HEMK2: variants seen among roughly 807,000 people sequenced by gnomAD.
HEMK2 encodes HemK methyltransferase 2, ETF1 glutamine and histone H4 lysine.
chr21:28,644,863 C>T, the HEMK2 span, among the ~76,000 whole-genome samples: 1 of 152,190 alleles, frequency 6.6e-6, no homozygotes, highest in Non-Finnish European at 1.5e-5. Flanking sequence ...CCTCACTCCA[C>T]ATTTTTGTTA....
At chr21:28,656,543 A>C in the HEMK2 span, among the ~76,000 whole-genome samples, 3 of 152,008 alleles carry the variant, frequency 2.0e-5, no homozygotes, top group African/African-American at 7.2e-5. Context: ...CAACCAACCT[A>C]GCACAGTCCA....
the HEMK2 span, among the ~76,000 whole-genome samples, chr21:28,846,934 A>T: frequency 1.3e-5 from 2 of 151,718 alleles, no homozygotes; most frequent in Non-Finnish European, 1.5e-5. Flanking sequence ...ATGGCCTCCA[A>T]CTCCATGCAT....
chr21:28,694,124 C>T, the HEMK2 span, among the ~76,000 whole-genome samples: 1 of 152,158 alleles, frequency 6.6e-6, no homozygotes, highest in Non-Finnish European at 1.5e-5. Context: ...TAATTATTGG[C>T]CTGGCCTACA....
the HEMK2 span, among the ~76,000 whole-genome samples, chr21:28,821,137 G>GT: frequency 1.3e-5 from 2 of 151,996 alleles, no homozygotes; most frequent in Non-Finnish European, 2.9e-5. Context: ...CTGTTGTTCA[G>GT]TTTTTTTTGA....
At chr21:28,610,570 T>C in the HEMK2 span, among the ~76,000 whole-genome samples, 1 of 152,278 alleles carries the variant, frequency 6.6e-6, no homozygotes, top group East Asian at 1.9e-4. Context: ...TAATGTTGAA[T>C]GTAAATGGCC....
chr21:28,782,882 AACT>A, the HEMK2 span, among the ~76,000 whole-genome samples: 1 of 152,338 alleles, frequency 6.6e-6, no homozygotes, highest in Admixed American at 6.5e-5. Context: ...ATCTCAATAA[AACT>A]ACTATTACTT....
At chr21:28,711,606 G>A in the HEMK2 span, among the ~76,000 whole-genome samples, 1 of 152,110 alleles carries the variant, frequency 6.6e-6, no homozygotes, top group Non-Finnish European at 1.5e-5. Context: ...GGGCTGATAG[G>A]AACAATTTAA....
the HEMK2 span, among the ~76,000 whole-genome samples, chr21:28,856,252 T>G: frequency 3.3e-5 from 5 of 152,044 alleles, no homozygotes; most frequent in African/African-American, 1.2e-4. Flanking sequence ...CTAACTCTAC[T>G]AAAATTACAA....
the HEMK2 span, among the ~76,000 whole-genome samples, chr21:28,736,235 G>A: frequency 5.9e-5 from 9 of 152,198 alleles, no homozygotes; most frequent in Non-Finnish European, 1.0e-4. Context: ...TTATTAGGAT[G>A]AGAATATGGA....
chr21:28,779,723 T>G, the HEMK2 span, among the ~76,000 whole-genome samples: 1 of 152,152 alleles, frequency 6.6e-6, no homozygotes, highest in Non-Finnish European at 1.5e-5. Context: ...TCATCTCTCT[T>G]CTTCCAGTTC....
At chr21:28,835,780 G>T in the HEMK2 span, among the ~76,000 whole-genome samples, 1 of 151,928 alleles carries the variant, frequency 6.6e-6, no homozygotes, top group Admixed American at 6.6e-5. Context: ...GGAAATAGAC[G>T]GCTTAAAGAA....
chr21:28,877,544 GAGAT>G, the HEMK2 span, among the ~76,000 whole-genome samples: 3 of 143,592 alleles, frequency 2.1e-5, no homozygotes, highest in Middle Eastern at 3.7e-3. Flanking sequence ...AGAAGAGAGA[GAGAT>G]AAAGAAAAAG....
At chr21:28,873,924 G>A in the HEMK2 span, 1 of 152,176 alleles carries the variant, frequency 6.6e-6, no homozygotes, top group Non-Finnish European at 1.5e-5. Context: ...GGGTCACCAG[G>A]GCTAATAGCG....
At chr21:28,866,440 C>T in the HEMK2 span, among the ~76,000 whole-genome samples, 1 of 60,790 alleles carries the variant, frequency 1.6e-5, no homozygotes, top group South Asian at 1.0e-3. Context: ...CAGAGTGAGA[C>T]TCCATCTCAA....
the HEMK2 span, among the ~76,000 whole-genome samples, chr21:28,753,939 G>A: frequency 6.6e-6 from 1 of 152,166 alleles, no homozygotes; most frequent in African/African-American, 2.4e-5. Context: ...TTCATGGCGT[G>A]CAATAATAAA....
chr21:28,656,468 A>C, the HEMK2 span, among the ~76,000 whole-genome samples: 1 of 151,964 alleles, frequency 6.6e-6, no homozygotes, highest in African/African-American at 2.4e-5. Context: ...CTTAGGAATA[A>C]GAACATAGGG....
At chr21:28,802,462 T>C in the HEMK2 span, among the ~76,000 whole-genome samples, 2 of 152,218 alleles carry the variant, frequency 1.3e-5, no homozygotes, top group African/African-American at 4.8e-5. Context: ...GTGTGGTGGC[T>C]CAGGCCTGTA....
the HEMK2 span, among the ~76,000 whole-genome samples, chr21:28,725,762 G>T: frequency 6.6e-6 from 1 of 152,110 alleles, no homozygotes; most frequent in Non-Finnish European, 1.5e-5. Context: ...TCTTCAATTT[G>T]TCTATTTTTA....
At chr21:28,681,625 G>A in the HEMK2 span, among the ~76,000 whole-genome samples, 5 of 152,150 alleles carry the variant, frequency 3.3e-5, no homozygotes, top group African/African-American at 7.2e-5. Context: ...AAAGCTGGAG[G>A]CATCACGCTA....
Sources: allele counts gnomAD v4.1 joint callset (sites outside exome capture counted in the v4.1 genomes callset), GRCh38; gene constraint gnomAD v4.1.1; transcripts MANE v1.5; gene names NCBI Gene and HGNC (gene_info 2026-07-23, HGNC 2026-07-21).